Variants in POU6F2 observed in about 807,000 individuals in gnomAD.
The protein encoded by POU6F2 is POU domain, class 6, transcription factor 2.
A neutral mutation model predicts 71.3 loss-of-function variants in POU6F2; 31 were observed. That is an observed-to-expected ratio of 0.43 (90% CI 0.33 to 0.59). POU6F2 has a LOEUF of 0.59. POU6F2 is among the 20% of genes least tolerant of loss of function. The pLI, the probability that POU6F2 is intolerant of heterozygous loss-of-function variation, is 0.04. For missense variants in POU6F2, 783 were observed against 856.8 expected (o/e 0.91, Z 1.07); for synonymous variants, 347 against 355.7 (o/e 0.98, Z 0.27).
intron 4 of POU6F2, among the ~76,000 whole-genome samples, chr7:39,311,192 A>G (rs898985942): frequency 1.3e-5 from 2 of 152,090 alleles, no homozygotes; most frequent in Non-Finnish European, 2.9e-5. Flanking sequence ...TGATAAGGAA[A>G]AAAAAAGTTC....
chr7:39,188,318 T>A (rs1038281312), intron 2 of POU6F2, among the ~76,000 whole-genome samples: 5 of 152,114 alleles, frequency 3.3e-5, no homozygotes, highest in African/African-American at 9.7e-5. Context: ...AATCTTTTTT[T>A]AAAATTTTTT....
intron 1 of POU6F2, among the ~76,000 whole-genome samples, chr7:38,982,760 C>T (rs1234639295): frequency 6.6e-6 from 1 of 151,928 alleles, no homozygotes; most frequent in Non-Finnish European, 1.5e-5. Context: ...CTCTCTGTAC[C>T]ATTCAATTAT....
At chr7:39,218,143 C>T (rs1287280490) in intron 4 of POU6F2, among the ~76,000 whole-genome samples, 1 of 152,166 alleles carries the variant, frequency 6.6e-6, no homozygotes, top group East Asian at 1.9e-4. Flanking sequence ...GCCAGCCATC[C>T]GAGTTGGCAA....
intron 2 of POU6F2, among the ~76,000 whole-genome samples, chr7:39,173,279 G>C (rs1387799796): frequency 1.3e-5 from 2 of 152,218 alleles, no homozygotes; most frequent in Non-Finnish European, 2.9e-5. Context: ...CAGCTGTAGA[G>C]AGCTAGCTTA....
intron 4 of POU6F2, among the ~76,000 whole-genome samples, chr7:39,227,856 A>C (rs2128749514): frequency 6.6e-6 from 1 of 152,122 alleles, no homozygotes; most frequent in East Asian, 1.9e-4. Context: ...CGTGCCCGGC[A>C]ACATTGGTAC....
intron 2 of POU6F2, among the ~76,000 whole-genome samples, chr7:39,139,941 A>G (rs1041173676): frequency 6.6e-6 from 1 of 152,238 alleles, no homozygotes; most frequent in Non-Finnish European, 1.5e-5. Context: ...GTAGATGTCA[A>G]TGCCATTTTT....
intron 4 of POU6F2, among the ~76,000 whole-genome samples, chr7:39,302,825 A>G (rs1261078902): frequency 6.6e-6 from 1 of 152,232 alleles, no homozygotes. Context: ...GCATACAACA[A>G]TGACTGAGTG....
intron 4 of POU6F2, among the ~76,000 whole-genome samples, chr7:39,302,701 C>T (rs1054143350): frequency 3.3e-5 from 5 of 152,224 alleles, no homozygotes; most frequent in African/African-American, 1.2e-4. Context: ...ATCAAAATTA[C>T]TTCTTAGATA....
At chr7:39,340,359 A>G (rs887600523) in intron 5 of POU6F2, among the ~76,000 whole-genome samples, 3 of 152,206 alleles carry the variant, frequency 2.0e-5, no homozygotes, top group Admixed American at 2.0e-4. Flanking sequence ...AATTAAAATT[A>G]TTACTAGCAC....
At chr7:39,275,346 G>T (rs1324441109) in intron 4 of POU6F2, among the ~76,000 whole-genome samples, 7 of 152,116 alleles carry the variant, frequency 4.6e-5, no homozygotes, top group Non-Finnish European at 1.0e-4. Context: ...ACCTACAAGG[G>T]ACGTGAAGGA....
chr7:39,419,119 A>ATG (rs1192498930), intron 6 of POU6F2, among the ~76,000 whole-genome samples: 6 of 132,066 alleles, frequency 4.5e-5, no homozygotes, highest in South Asian at 2.4e-4. Context: ...ATACGTATAT[A>ATG]TGTGTATATA....
At chr7:39,414,660 A>G (rs541573813) in intron 6 of POU6F2, among the ~76,000 whole-genome samples, 111 of 152,138 alleles carry the variant, frequency 7.3e-4, no homozygotes, top group Non-Finnish European at 1.4e-3. Flanking sequence ...CGTCCTTAAG[A>G]CTGCGGGTGC....
At chr7:39,145,563 T>C (rs1792603144) in intron 2 of POU6F2, among the ~76,000 whole-genome samples, 1 of 152,232 alleles carries the variant, frequency 6.6e-6, no homozygotes, top group Non-Finnish European at 1.5e-5. Context: ...CTGGAATGAC[T>C]CTTAAAGGGT....
chr7:39,250,713 A>G (rs1037681601), intron 4 of POU6F2, among the ~76,000 whole-genome samples: 1 of 152,212 alleles, frequency 6.6e-6, no homozygotes, highest in South Asian at 2.1e-4. Context: ...TACTCTGCTC[A>G]GTCACATTCA....
At chr7:39,016,030 TA>T (rs371025806) in intron 1 of POU6F2, among the ~76,000 whole-genome samples, 14,684 of 61,058 alleles carry the variant, frequency 0.24, 4,070 homozygotes, top group South Asian at 0.37. Flanking sequence ...ATATTATATA[TA>T]GATATATATT....
intron 1 of POU6F2, among the ~76,000 whole-genome samples, chr7:39,036,640 A>G (rs1790071312): frequency 6.6e-6 from 1 of 151,398 alleles, no homozygotes. Context: ...AAGGAATACA[A>G]TGCTTAAGTT....
chr7:39,202,024 C>T (rs4401749), intron 2 of POU6F2, among the ~76,000 whole-genome samples: 56,794 of 152,008 alleles, frequency 0.37, 10,930 homozygotes, highest in South Asian at 0.49. Context: ...TGAAAGACTT[C>T]ATTTTACACA....
chr7:39,463,821 G>A (rs567486734), intron 9 of POU6F2, among the ~76,000 whole-genome samples: 2 of 152,320 alleles, frequency 1.3e-5, no homozygotes, highest in South Asian at 4.1e-4. Flanking sequence ...GTTAATTTTT[G>A]CCTTCATGAG....
At chr7:39,259,931 G>A (rs906875465) in intron 4 of POU6F2, among the ~76,000 whole-genome samples, 1 of 151,774 alleles carries the variant, frequency 6.6e-6, no homozygotes, top group African/African-American at 2.4e-5. Context: ...GGAGTCCTGT[G>A]TGTGTGCATG....
Sources: allele counts gnomAD v4.1 joint callset (sites outside exome capture counted in the v4.1 genomes callset), GRCh38; gene constraint gnomAD v4.1.1; transcripts MANE v1.5; gene names NCBI Gene and HGNC (gene_info 2026-07-23, HGNC 2026-07-21).